Variants in GPAT3 observed in about 807,000 individuals in gnomAD.
GPAT3 encodes the protein 1-AGP acyltransferase 9.
Under a neutral mutation model 58.8 loss-of-function variants are expected in GPAT3, and 53 were observed. The observed-to-expected ratio is 0.90, with a 90% confidence interval of 0.72 to 1.13. GPAT3 has a LOEUF of 1.13. Among genes scored for constraint, GPAT3 ranks in the 50% most tolerant of loss-of-function variants. GPAT3 has a pLI of 0.00. For synonymous variants in GPAT3, 197 were observed against 187.4 expected (o/e 1.05, Z -0.42); for missense variants, 511 against 527.6 (o/e 0.97, Z 0.31).
intron 2 of GPAT3, among the ~76,000 whole-genome samples, chr4:83,549,873 C>T (rs1724688596): frequency 6.6e-6 from 1 of 151,926 alleles, no homozygotes; most frequent in Non-Finnish European, 1.5e-5. Flanking sequence ...CAGGCATGCA[C>T]CACCAAACCT....
rs1325396734 is a variant in GPAT3, at chr4:83,604,823, T to TTTTG, written c.*59_*60insGTTT. 4.4e-6 allele frequency: 6 copies of TTTTG among 1,350,354 alleles called. No individual in the cohort carries two copies. Among genetic ancestry groups the TTTTG allele is most frequent in the Admixed American group, 4.1e-5 (2 of 48,950 alleles). 83.6% of individuals were successfully genotyped at this position (1,350,354 alleles called of 1,614,324 possible). A position where few individuals can be genotyped will look rare whatever the true frequency, so the allele number is the denominator to read the frequency against. On this transcript the variant is annotated 3_prime_UTR_variant, in exon 12 of 12. Transcript: ENST00000264409. ...CTAGCCCTTAGAAATGGAATGGCTT[T>TTTTG]TTTTGTTTTGTTTTGTTTTATTGTT... is the stretch of plus-strand genomic sequence containing the variant.
chr4:83,604,576 G>C (rs558904820), intron 11 of GPAT3, 92 bp from the exon 12 acceptor site: 4 of 946,830 alleles, frequency 4.2e-6, no homozygotes, highest in Admixed American at 2.7e-5. Context: ...CTGCCTAAGC[G>C]TCATGGTATC....
At chr4:83,585,101 T>G (rs1200942989) in intron 3 of GPAT3, among the ~76,000 whole-genome samples, 1 of 152,150 alleles carries the variant, frequency 6.6e-6, no homozygotes, top group Non-Finnish European at 1.5e-5. Flanking sequence ...TTTTGCATAA[T>G]TGATGATGAG....
chr4:83,597,469 A>G lies in GPAT3; in HGVS notation c.950A>G (p.Lys317Arg). 1 of 1,575,772 alleles carries G rather than the reference A, an allele frequency of 6.3e-7. No homozygotes were observed. Among genetic ancestry groups the G allele is most frequent in the South Asian group, 1.2e-5 (1 of 81,512 alleles). The change falls in exon 9 of 12, where the codon AAG becomes AGG. Residue 317 changes from lysine to arginine, a missense_variant. Lys to Arg is a conservative substitution (Grantham distance 26). Transcript: ENST00000264409. ...AATACTTCAGTCATGATGTTTAAAA[A>G]GGGGAGCTTTGAAATTGGAGGAACC... is the stretch of plus-strand genomic sequence containing the variant. ...INNTSVMMFK[K>R]GSFEIGGTIH...
chr4:83,600,517 T>C (rs1313745721), intron 11 of GPAT3, among the ~76,000 whole-genome samples: 2 of 151,618 alleles, frequency 1.3e-5, no homozygotes, highest in African/African-American at 4.8e-5. Context: ...ATTATTATTA[T>C]TATTTGAGAT....
chr4:83,593,175 T>C (rs893927922), intron 6 of GPAT3, among the ~76,000 whole-genome samples: 11 of 144,794 alleles, frequency 7.6e-5, no homozygotes, highest in African/African-American at 2.5e-4. Flanking sequence ...ACTTTTTTTT[T>C]TTTTTTTTAA....
intron 1 of GPAT3, among the ~76,000 whole-genome samples, chr4:83,542,269 C>T (rs1041369073): frequency 6.6e-6 from 1 of 152,160 alleles, no homozygotes; most frequent in Non-Finnish European, 1.5e-5. Flanking sequence ...GGTTTACTTA[C>T]AAATGATAAT....
intron 2 of GPAT3, among the ~76,000 whole-genome samples, chr4:83,575,105 T>A (rs1408079172): frequency 6.6e-6 from 1 of 152,010 alleles, no homozygotes; most frequent in Non-Finnish European, 1.5e-5. Flanking sequence ...CTCGATCTCC[T>A]GACCTCGTGA....
At chr4:83,537,020 C>T (rs556346790) in intron 1 of GPAT3, among the ~76,000 whole-genome samples, 5 of 152,316 alleles carry the variant, frequency 3.3e-5, no homozygotes, top group African/African-American at 1.2e-4. Context: ...TCATTCCACT[C>T]CCTGAGCATC....
chr4:83,592,703 A>G (rs1726650162), intron 6 of GPAT3, among the ~76,000 whole-genome samples: 1 of 152,182 alleles, frequency 6.6e-6, no homozygotes, highest in African/African-American at 2.4e-5. Context: ...TAAGAAAATC[A>G]CATTAGAGCA....
intron 2 of GPAT3, among the ~76,000 whole-genome samples, chr4:83,545,383 C>T (rs1724469553): frequency 6.6e-6 from 1 of 151,238 alleles, no homozygotes; most frequent in African/African-American, 2.4e-5. Context: ...GAAGTTGAGG[C>T]TGTAGTGAGC....
At chr4:83,585,770 A>G (rs1254931945) in intron 3 of GPAT3, among the ~76,000 whole-genome samples, 3 of 152,142 alleles carry the variant, frequency 2.0e-5, no homozygotes, top group Non-Finnish European at 4.4e-5. Context: ...TATTTTTAAT[A>G]GAGACAGGGT....
intron 7 of GPAT3, 75 bp from the exon 8 acceptor site, chr4:83,596,783 G>T (rs1010774345): frequency 3.6e-6 from 4 of 1,126,368 alleles, no homozygotes; most frequent in Non-Finnish European, 5.4e-6. Context: ...TGCCAGTAAA[G>T]TGCAAGGAAT....
intron 2 of GPAT3, among the ~76,000 whole-genome samples, chr4:83,578,817 C>T (rs891567158): frequency 6.6e-6 from 1 of 152,122 alleles, no homozygotes; most frequent in Non-Finnish European, 1.5e-5. Context: ...GACTTGACTT[C>T]TGAAAAAGAG....
chr4:83,536,128 G>A lies in GPAT3; in HGVS notation c.-495G>A, dbSNP rs987436291. 3 of 985,738 alleles carry A rather than the reference G, an allele frequency of 3.0e-6. No homozygotes were observed. The African/African-American group carries it at 5.2e-5, about 17-fold the overall frequency. 61.1% of individuals were successfully genotyped at this position (985,738 alleles called of 1,614,324 possible). On this transcript the variant is annotated 5_prime_UTR_variant, in exon 1 of 12. Coordinates refer to ENST00000264409, the MANE Select transcript of GPAT3 (RefSeq NM_032717.5). ...CAGCCAGCTTCCAGCACAGCCCGCGGCCCGGTGCCAGCTCCGCCGGCGACC... is the reference window on the plus strand; with the variant it reads ...CAGCCAGCTTCCAGCACAGCCCGCGACCCGGTGCCAGCTCCGCCGGCGACC...
chr4:83,541,534 A>G (rs1724304144), intron 1 of GPAT3, among the ~76,000 whole-genome samples: 1 of 151,726 alleles, frequency 6.6e-6, no homozygotes, highest in Admixed American at 6.6e-5. Context: ...GTCTGGCCTA[A>G]AATTTGCTTA....
intron 2 of GPAT3, among the ~76,000 whole-genome samples, chr4:83,564,796 C>G (rs1725323048): frequency 6.6e-6 from 1 of 152,144 alleles, no homozygotes; most frequent in African/African-American, 2.4e-5. Context: ...TATCATACTT[C>G]TTACTGTGCA....
intron 2 of GPAT3, among the ~76,000 whole-genome samples, chr4:83,555,321 C>T (rs1724908487): frequency 6.6e-6 from 1 of 152,148 alleles, no homozygotes; most frequent in African/African-American, 2.4e-5. Flanking sequence ...GGGAGCCAAA[C>T]ATGTGATTAC....
At position 83,546,054 on chromosome 4, in the gene GPAT3, G is replaced by A. The variant is rs184131429; in HGVS notation, c.208+1452G>A. On this transcript the variant is annotated intron_variant, in intron 2 of 11. Transcript: ENST00000264409. The stretch of plus-strand genomic sequence containing the variant: ...GGCTGGAGTGCGGTGGCGAGATGTC[G>A]GCTCACTGTAACCTCTGCCTCCCAG... 3.9e-3 allele frequency among the ~76,000 whole-genome samples: 587 copies of A among 152,118 alleles called. 13 individuals carry two copies. The highest frequency in any genetic ancestry group is 0.033 in the Admixed American group (508 of 15,262).
Sources: gnomAD v4.1 joint callset for allele counts (sites outside exome capture counted in the v4.1 genomes callset) on GRCh38, gnomAD v4.1.1 for gene constraint, MANE v1.5 for transcripts, NCBI Gene and HGNC (gene_info 2026-07-23, HGNC 2026-07-21) for gene names.